NOL4: variants seen among roughly 807,000 people sequenced by gnomAD.
NOL4 encodes the protein nucleolar protein 4, also known as cancer/testis antigen 125.
A neutral mutation model predicts 75.9 loss-of-function variants in NOL4; 17 were observed. The observed-to-expected ratio is 0.22, with a 90% CI of 0.15 to 0.34. NOL4 has a LOEUF of 0.34. Among genes scored for constraint, NOL4 ranks in the 10% least tolerant of loss-of-function variants. The pLI, the probability that NOL4 is intolerant of heterozygous loss-of-function variation, is 1.00. For missense variants in NOL4, 614 were observed against 793.5 expected, an observed-to-expected ratio of 0.77 and a Z score of 2.72; for synonymous variants, 292 against 289.9, an observed-to-expected ratio of 1.01 and a Z score of -0.07.
intron 6 of NOL4, among the ~76,000 whole-genome samples, chr18:33,992,508 A>T (rs545178013): frequency 6.6e-6 from 1 of 152,168 alleles, no homozygotes; most frequent in Admixed American, 6.6e-5. Flanking sequence ...ATAACAGCTA[A>T]GATTTAGTAA....
intron 8 of NOL4, among the ~76,000 whole-genome samples, chr18:33,953,866 C>G (rs942729630): frequency 6.6e-6 from 1 of 152,064 alleles, no homozygotes; most frequent in Non-Finnish European, 1.5e-5. Context: ...ATATACAGTA[C>G]GTGGCTAAAC....
chr18:33,881,071 A>T lies in NOL4; in HGVS notation c.1723+2173T>A, dbSNP rs531936924. On this transcript the variant is annotated intron_variant, in intron 10 of 10. Coordinates refer to ENST00000261592, the MANE Select transcript of NOL4 (RefSeq NM_003787.5). ...ACAAAACAAAACAAAGCAAAAAAACACAATCTCACATCCCTTGTAAGTTGG... is the reference window on the plus strand; with the variant it reads ...ACAAAACAAAACAAAGCAAAAAAACTCAATCTCACATCCCTTGTAAGTTGG... Among the ~76,000 whole-genome samples, 5 of 146,470 alleles carry T rather than the reference A, an allele frequency of 3.4e-5. No homozygotes were observed. The South Asian group carries it at 1.0e-3, about 31-fold the overall frequency.
At chr18:33,970,259 G>A (rs1284447039) in intron 6 of NOL4, among the ~76,000 whole-genome samples, 2 of 152,056 alleles carry the variant, frequency 1.3e-5, no homozygotes, top group Non-Finnish European at 2.9e-5. Context: ...TGTAATATTT[G>A]TCTTGTTGAA....
intron 6 of NOL4, among the ~76,000 whole-genome samples, chr18:33,995,716 C>A (rs2073233121): frequency 6.6e-6 from 1 of 151,708 alleles, no homozygotes; most frequent in Non-Finnish European, 1.5e-5. Context: ...TGTTTAATTT[C>A]TACATATTTT....
At chr18:34,074,557 A>C (rs922039718) in intron 5 of NOL4, among the ~76,000 whole-genome samples, 1 of 151,980 alleles carries the variant, frequency 6.6e-6, no homozygotes, top group South Asian at 2.1e-4. Flanking sequence ...AATATATCAC[A>C]AATCATGAAA....
At chr18:34,118,858 A>G (rs1403626549) in intron 2 of NOL4, among the ~76,000 whole-genome samples, 1 of 152,212 alleles carries the variant, frequency 6.6e-6, no homozygotes. Flanking sequence ...GGAAATAATT[A>G]ATTTGCAGAG....
intron 6 of NOL4, among the ~76,000 whole-genome samples, chr18:34,007,474 T>C (rs2074101125): frequency 6.6e-6 from 1 of 151,992 alleles, no homozygotes; most frequent in Non-Finnish European, 1.5e-5. Flanking sequence ...TAGAAGAAGG[T>C]ATAAATACCA....
At chr18:34,051,626 G>T (rs2076628316) in intron 5 of NOL4, among the ~76,000 whole-genome samples, 1 of 152,192 alleles carries the variant, frequency 6.6e-6, no homozygotes, top group African/African-American at 2.4e-5. Context: ...TTAGACCACT[G>T]TGCCTGTCTT....
chr18:33,858,813 TG>T (rs1210725441), intron 10 of NOL4, among the ~76,000 whole-genome samples: 1 of 152,070 alleles, frequency 6.6e-6, no homozygotes, highest in African/African-American at 2.4e-5. Flanking sequence ...TATTTTTTAA[TG>T]GGCAGATTTT....
intron 10 of NOL4, among the ~76,000 whole-genome samples, chr18:33,878,624 C>A (rs1372550062): frequency 6.6e-6 from 1 of 152,000 alleles, no homozygotes; most frequent in African/African-American, 2.4e-5. Flanking sequence ...AGAGTATAAA[C>A]TCAGACTAAT....
intron 6 of NOL4, among the ~76,000 whole-genome samples, chr18:33,968,352 T>C (rs577097144): frequency 6.6e-6 from 1 of 152,238 alleles, no homozygotes; most frequent in South Asian, 2.1e-4. Flanking sequence ...CACAGGACCA[T>C]TCACAATAGC....
chr18:34,064,415 T>C (rs1398765761), intron 5 of NOL4, among the ~76,000 whole-genome samples: 1 of 151,960 alleles, frequency 6.6e-6, no homozygotes, highest in East Asian at 1.9e-4. Context: ...CCTCCACATT[T>C]ACTACAACAT....
At chr18:34,207,563 C>T (rs1358983733) in intron 1 of NOL4, among the ~76,000 whole-genome samples, 3 of 152,206 alleles carry the variant, frequency 2.0e-5, no homozygotes, top group Admixed American at 1.3e-4. Flanking sequence ...ATATATTCTG[C>T]ACATTCTTAG....
At chr18:33,912,954 G>A (rs1280631424) in intron 9 of NOL4, among the ~76,000 whole-genome samples, 1 of 152,034 alleles carries the variant, frequency 6.6e-6, no homozygotes, top group Non-Finnish European at 1.5e-5. Context: ...AAACTACAGT[G>A]TCTTGATCAG....
rs752513368 is a variant in NOL4, at chr18:34,093,448, C to T, written c.772+17G>A. 1 of 1,547,678 alleles carries T rather than the reference C, an allele frequency of 6.5e-7. No individual in the cohort carries two copies. Among genetic ancestry groups the T allele is most frequent in the South Asian group, 1.2e-5 (1 of 81,670 alleles). ...TTTGCTGTTGTTTTGCTTATTTAGT[C>T]AAACTGAAAGGCTTACCATCTTGCT... On this transcript the variant is annotated intron_variant, in intron 5 of 10. Coordinates refer to ENST00000261592, the MANE Select transcript of NOL4 (RefSeq NM_003787.5).
chr18:34,044,670 T>G (rs1483828627), intron 5 of NOL4, among the ~76,000 whole-genome samples: 1 of 152,214 alleles, frequency 6.6e-6, no homozygotes, highest in Non-Finnish European at 1.5e-5. Context: ...TTGTCAATGA[T>G]CTACATTATG....
chr18:33,887,133 GAT>G (rs1164881718), intron 9 of NOL4, among the ~76,000 whole-genome samples: 3 of 135,434 alleles, frequency 2.2e-5, no homozygotes, highest in Non-Finnish European at 3.1e-5. Context: ...ATTATATCTA[GAT>G]ATATCTATAT....
chr18:33,920,289 G>C lies in NOL4; in HGVS notation c.1542+22776C>G, dbSNP rs1038828527. ...AAATACAAAAAAAATGAATATATTG[G>C]TTGTACCCCAAATCTTTAAATAAAT... is the stretch of plus-strand genomic sequence containing the variant. On this transcript the variant is annotated intron_variant, in intron 9 of 10. Coordinates refer to ENST00000261592, the MANE Select transcript of NOL4 (RefSeq NM_003787.5). Among the ~76,000 whole-genome samples the C allele has an allele frequency of 2.6e-5, 4 of 152,098 alleles. No homozygotes were observed. The East Asian group carries it at 7.7e-4, about 29-fold the overall frequency.
At chr18:34,137,750 T>C (rs1476274840) in intron 1 of NOL4, among the ~76,000 whole-genome samples, 1 of 148,310 alleles carries the variant, frequency 6.7e-6, no homozygotes, top group African/African-American at 2.5e-5. Flanking sequence ...CCAGACGACT[T>C]GGTAAGCCAA....
Sources: allele counts gnomAD v4.1 joint callset (sites outside exome capture counted in the v4.1 genomes callset), GRCh38; gene constraint gnomAD v4.1.1; transcripts MANE v1.5; gene names NCBI Gene and HGNC (gene_info 2026-07-23, HGNC 2026-07-21).